PRKCA: variants seen among roughly 807,000 people sequenced by gnomAD.
The protein encoded by PRKCA is protein kinase C alpha type.
Under a neutral mutation model 87.0 loss-of-function variants are expected in PRKCA, and 27 were observed. That is an observed-to-expected ratio of 0.31 (90% CI 0.23 to 0.43). PRKCA has a LOEUF of 0.43. PRKCA is among the 20% of genes least tolerant of loss of function. PRKCA has a pLI of 1.00. For synonymous variants in PRKCA, 329 were observed against 311.1 expected (o/e 1.06, Z -0.61); for missense variants, 518 against 852.3 (o/e 0.61, Z 4.88).
rs535307421 is a variant in PRKCA, at chr17:66,340,760, T to C, written c.205+34633T>C. 6.0e-4 allele frequency among the ~76,000 whole-genome samples: 92 copies of C among 152,304 alleles called. 1 individual carries two copies. The South Asian group carries it at 8.5e-3, about 14-fold the overall frequency. ...GAGAAATCCTTTATTTAGAAGTCAT[T>C]CATATTCATCTTTAATACAGCAACT... is the stretch of plus-strand genomic sequence containing the variant. On this transcript the variant is annotated intron_variant, in intron 2 of 16. Coordinates refer to ENST00000413366, the MANE Select transcript of PRKCA (RefSeq NM_002737.3).
At chr17:66,457,277 G>T (rs1445016810) in intron 2 of PRKCA, among the ~76,000 whole-genome samples, 1 of 152,128 alleles carries the variant, frequency 6.6e-6, no homozygotes, top group Non-Finnish European at 1.5e-5. Context: ...TACCTCTACT[G>T]AAGGTAGGAG....
intron 5 of PRKCA, among the ~76,000 whole-genome samples, chr17:66,666,004 T>G (rs1464817380): frequency 6.6e-6 from 1 of 152,132 alleles, no homozygotes; most frequent in African/African-American, 2.4e-5. Flanking sequence ...TCCAATGTAG[T>G]CCTGACTGGG....
intron 16 of PRKCA, among the ~76,000 whole-genome samples, chr17:66,791,721 C>T (rs911935829): frequency 2.4e-4 from 36 of 152,312 alleles, no homozygotes; most frequent in African/African-American, 8.2e-4. Flanking sequence ...AGAGACACCA[C>T]GCCAAGAGCC....
intron 2 of PRKCA, among the ~76,000 whole-genome samples, chr17:66,460,957 G>A (rs1001375650): frequency 3.3e-5 from 5 of 152,174 alleles, no homozygotes; most frequent in African/African-American, 9.7e-5. Flanking sequence ...TGTAATCCCA[G>A]CACTTTGGGA....
intron 3 of PRKCA, among the ~76,000 whole-genome samples, chr17:66,626,650 G>A (rs1015370108): frequency 4.6e-5 from 7 of 151,786 alleles, no homozygotes; most frequent in African/African-American, 1.7e-4. Context: ...GATTACAGGC[G>A]TGAGCCATCA....
intron 13 of PRKCA, among the ~76,000 whole-genome samples, chr17:66,766,505 C>T (rs1169975977): frequency 6.6e-6 from 1 of 152,136 alleles, no homozygotes; most frequent in Admixed American, 6.5e-5. Flanking sequence ...TGATCCTTTA[C>T]CTGATACACA....
intron 3 of PRKCA, among the ~76,000 whole-genome samples, chr17:66,502,376 G>A (rs1232176409): frequency 6.6e-6 from 1 of 151,454 alleles, no homozygotes; most frequent in Non-Finnish European, 1.5e-5. Context: ...CTGGGACTAC[G>A]GGCATGCACC....
intron 2 of PRKCA, among the ~76,000 whole-genome samples, chr17:66,328,007 G>T (rs150571956): frequency 2.0e-5 from 3 of 152,248 alleles, no homozygotes; most frequent in Admixed American, 2.0e-4. Context: ...CGGGATTTTG[G>T]CAGTGTGTAA....
chr17:66,356,187 C>G (rs1369629557), intron 2 of PRKCA, among the ~76,000 whole-genome samples: 1 of 152,188 alleles, frequency 6.6e-6, no homozygotes. Context: ...GCATTAGCCA[C>G]CACGCCCATC....
chr17:66,685,930 G>A lies in PRKCA; in HGVS notation c.530-1181G>A, dbSNP rs1400303945. 2.0e-5 allele frequency among the ~76,000 whole-genome samples: 3 copies of A among 152,320 alleles called. No individual in the cohort carries two copies. In the South Asian group the frequency reaches 6.2e-4, roughly 32 times the overall value. On this transcript the variant is annotated intron_variant, in intron 5 of 16. Coordinates refer to ENST00000413366, the MANE Select transcript of PRKCA (RefSeq NM_002737.3). ...ACACAGATCATTGGACCTCACCCCA[G>A]AGTTCTGATTCAGGAGGTGTTGCCA...
At chr17:66,336,519 C>T (rs1232383965) in intron 2 of PRKCA, among the ~76,000 whole-genome samples, 1 of 151,986 alleles carries the variant, frequency 6.6e-6, no homozygotes, top group Non-Finnish European at 1.5e-5. Context: ...TAAAGTTGGC[C>T]ATTTGTATTT....
intron 2 of PRKCA, among the ~76,000 whole-genome samples, chr17:66,486,600 A>G (rs1393383475): frequency 6.6e-6 from 1 of 151,942 alleles, no homozygotes; most frequent in African/African-American, 2.4e-5. Flanking sequence ...CCTTTCTACC[A>G]TCAACCACAA....
chr17:66,490,432 C>T (rs1916192828), intron 2 of PRKCA, among the ~76,000 whole-genome samples: 1 of 151,920 alleles, frequency 6.6e-6, no homozygotes, highest in African/African-American at 2.4e-5. Context: ...CAACCTCCGC[C>T]TCCTGGGTTC....
At chr17:66,539,194 C>G (rs936653241) in intron 3 of PRKCA, among the ~76,000 whole-genome samples, 1 of 152,132 alleles carries the variant, frequency 6.6e-6, no homozygotes, top group African/African-American at 2.4e-5. Context: ...TTTTCCCCAG[C>G]TGCCTTTTTT....
In PRKCA at chr17:66,307,412, A is replaced by G. The variant is rs190746776; in HGVS notation, c.205+1285A>G. Among the ~76,000 whole-genome samples the G allele has an allele frequency of 4.2e-3, 643 of 152,198 alleles. 7 individuals carry two copies. The highest frequency in any genetic ancestry group is 6.7e-3 in the Non-Finnish European group (455 of 67,982). ...CCTAGGCTTGAACATGACTTTAGGG[A>G]GTTTAAAGATGTAAGGTTCTGGGCC... On this transcript the variant is annotated intron_variant, in intron 2 of 16. Coordinates refer to ENST00000413366, the MANE Select transcript of PRKCA (RefSeq NM_002737.3).
chr17:66,505,662 C>G (rs922747348), intron 3 of PRKCA, among the ~76,000 whole-genome samples: 6 of 151,874 alleles, frequency 4.0e-5, no homozygotes, highest in South Asian at 2.1e-4. Context: ...AATAAGGGAG[C>G]CTTTTGAGGT....
At chr17:66,522,802 C>T (rs574050874) in intron 3 of PRKCA, among the ~76,000 whole-genome samples, 3 of 147,420 alleles carry the variant, frequency 2.0e-5, no homozygotes, top group Admixed American at 6.8e-5. Flanking sequence ...ATGTGTGGGT[C>T]GCTCACTAAA....
chr17:66,527,923 C>T (rs1358849775), intron 3 of PRKCA, among the ~76,000 whole-genome samples: 1 of 152,040 alleles, frequency 6.6e-6, no homozygotes, highest in Non-Finnish European at 1.5e-5. Context: ...ACAGGTTGGG[C>T]GCGGTAGCTC....
intron 3 of PRKCA, among the ~76,000 whole-genome samples, chr17:66,553,613 C>T (rs1968408607): frequency 6.6e-6 from 1 of 152,178 alleles, no homozygotes; most frequent in African/African-American, 2.4e-5. Flanking sequence ...TTCCTCATTG[C>T]TGTTTTTCTT....
Sources: gnomAD v4.1 joint callset for allele counts (sites outside exome capture counted in the v4.1 genomes callset) on GRCh38, gnomAD v4.1.1 for gene constraint, MANE v1.5 for transcripts, NCBI Gene and HGNC (gene_info 2026-07-23, HGNC 2026-07-21) for gene names.